Variants in ALG12 observed in about 807,000 individuals in gnomAD.
The protein encoded by ALG12 is ALG12 alpha-1,6-mannosyltransferase, also known as dol-P-Man:Man(7)GlcNAc(2)-PP-Dol alpha-1,6-mannosyltransferase.
In ALG12, 36 loss-of-function variants were observed where a neutral mutation model predicts 46.0. The ratio of observed to expected loss-of-function variants is 0.78; its 90% CI spans 0.60 to 1.03. ALG12 has a LOEUF of 1.03. Among genes scored for constraint, ALG12 ranks in the 50% least tolerant of loss-of-function variants. ALG12 has a pLI of 0.00. For synonymous variants in ALG12, 326 were observed against 291.6 expected (o/e 1.12, Z -1.20); for missense variants, 599 against 633.5 (o/e 0.95, Z 0.58).
chr22:49,881,664 G>A, the ALG12 span, among the ~76,000 whole-genome samples: 5 of 152,090 alleles, frequency 3.3e-5, no homozygotes, highest in African/African-American at 1.2e-4. Context: ...TGGGACTACA[G>A]GCTCACCATA....
rs1178906950 is a variant in ALG12 at position 49,904,486 on chromosome 22, G to A, written c.1013C>T (p.Ser338Phe). Residue 338 changes from serine (S) to phenylalanine (F), a missense_variant, in exon 8 of 10, where the codon TCT becomes TTT. By Grantham distance (155) the Ser-to-Phe change is radical (BLOSUM62 -2). Transcript: ENST00000330817. ...CSYLLNNYKK[S>F]WLYKAGSLLV... ...CAGAGACCCCGCTTTGTACAGCCAAGACTTTTTATAGTTATTCAGCCTGAA... is the reference window on the plus strand; with the variant it reads ...CAGAGACCCCGCTTTGTACAGCCAAAACTTTTTATAGTTATTCAGCCTGAA... The A allele has an allele frequency of 1.2e-6, 2 of 1,614,178 alleles. No individual in the cohort carries two copies. Among genetic ancestry groups the A allele is most frequent in the South Asian group, 1.1e-5 (1 of 91,088 alleles).
the ALG12 span, chr22:49,886,171 A>C: frequency 1.4e-6 from 1 of 701,822 alleles, no homozygotes; most frequent in Non-Finnish European, 2.6e-6. This position sits in a 1 kb window ranked among gnomAD's most constrained non-coding sequence, Gnocchi z 7.7. Flanking sequence ...CCTGATCGTC[A>C]GCGAGGCCAT....
In ALG12 at chr22:49,905,027, T is replaced by C. The variant is rs1026222991; in HGVS notation, c.993-521A>G. 1.3e-5 allele frequency among the ~76,000 whole-genome samples: 2 copies of C among 152,182 alleles called. No homozygotes were observed. The highest frequency in any genetic ancestry group is 4.8e-5 in the African/African-American group (2 of 41,448). On this transcript the variant is annotated intron_variant, in intron 7 of 9. Transcript: ENST00000330817. The surrounding 1 kb of genome is among the most constrained non-coding windows in gnomAD (Gnocchi z 4.9). Reference sequence around the variant, plus strand: ...TGCTGAGATTACAGGCATGAGCCACTGCGCCCAGCCTAAAAATATATTTTC... The same window carrying C: ...TGCTGAGATTACAGGCATGAGCCACCGCGCCCAGCCTAAAAATATATTTTC...
chr22:49,907,559 C>A (rs1217140034), intron 7 of ALG12, among the ~76,000 whole-genome samples, 162 bp downstream of exon 7: 1 of 152,132 alleles, frequency 6.6e-6, no homozygotes, highest in Non-Finnish European at 1.5e-5. Flanking sequence ...GATGGCTTAA[C>A]CCCCTAGGAG....
chr22:49,884,361 A>G, the ALG12 span: 1 of 1,613,160 alleles, frequency 6.2e-7, no homozygotes, highest in South Asian at 1.1e-5. Context: ...TTTCTTCTGA[A>G]GAAATCTCCT....
At chr22:49,871,097 T>C in the ALG12 span, among the ~76,000 whole-genome samples, 1 of 148,082 alleles carries the variant, frequency 6.8e-6, no homozygotes, top group Admixed American at 6.8e-5. Flanking sequence ...TGCACCACAA[T>C]GCCTGGCTAA....
At chr22:49,879,408 T>G in the ALG12 span, among the ~76,000 whole-genome samples, 7 of 151,982 alleles carry the variant, frequency 4.6e-5, no homozygotes, top group Admixed American at 4.6e-4. Context: ...ATTACAGGTG[T>G]GAGCCACCAA....
At chr22:49,884,445 C>G in the ALG12 span, 1 of 1,614,202 alleles carries the variant, frequency 6.2e-7, no homozygotes, top group Non-Finnish European at 8.5e-7. Flanking sequence ...TCCCTGCTCT[C>G]CATTACGATG....
intron 3 of ALG12, 128 bp from the exon 4 acceptor site, chr22:49,910,735 G>A: frequency 1.8e-6 from 2 of 1,111,934 alleles, no homozygotes; most frequent in Non-Finnish European, 2.7e-6. Flanking sequence ...CCAGCTGACG[G>A]CTACGTCAGG....
chr22:49,885,739 T>C, the ALG12 span: 1 of 1,603,778 alleles, frequency 6.2e-7, no homozygotes, highest in Non-Finnish European at 8.5e-7. Context: ...ACCTCAGTAC[T>C]CCCTCCCCGC....
rs978211680 is a variant in ALG12, at chr22:49,902,899, G to C, written c.*939C>G. ...GGTAATGTGCACGTGTGCACTGTGT[G>C]TGGTGTGTATGCATGGTGTGTGCAC... On this transcript the variant is annotated 3_prime_UTR_variant, in exon 10 of 10. Transcript: ENST00000330817. 1.0e-5 allele frequency: 2 copies of C among 192,858 alleles called. No homozygotes were observed. The highest frequency in any genetic ancestry group is 6.1e-5 in the African/African-American group (2 of 32,988). The allele number at this position is 192,858 out of a possible 1,614,324, so 11.9% of individuals were successfully genotyped here.
intron 3 of ALG12, among the ~76,000 whole-genome samples, chr22:49,912,079 A>ATCAGCCTCGGCCACGGGC (rs2060581152): frequency 1.4e-5 from 2 of 141,082 alleles, no homozygotes; most frequent in African/African-American, 5.6e-5. Context: ...TGGCCCCGGG[A>ATCAGCCTCGGCCACGGGC]TCACCCTCGG....
the ALG12 span, chr22:49,883,513 A>T: frequency 9.1e-7 from 1 of 1,104,116 alleles, no homozygotes; most frequent in Non-Finnish European, 1.2e-6. Context: ...TTTTTTCAGT[A>T]CTATTTATGA....
At chr22:49,864,813 C>G in the ALG12 span, among the ~76,000 whole-genome samples, 2 of 85,818 alleles carry the variant, frequency 2.3e-5, no homozygotes, top group African/African-American at 1.3e-4. Context: ...GAGTGAGACC[C>G]TGTCTCCAAA....
chr22:49,871,839 C>A, the ALG12 span, among the ~76,000 whole-genome samples: 1 of 151,758 alleles, frequency 6.6e-6, no homozygotes, highest in Non-Finnish European at 1.5e-5. Context: ...ACTACAACCT[C>A]CACCTCCTGG....
Position 49,913,181 on chromosome 22 carries a change from C to G in ALG12, c.295+204G>C, listed in dbSNP as rs112936160. Among the ~76,000 whole-genome samples, 180 of 152,356 alleles carry G rather than the reference C, an allele frequency of 1.2e-3. 2 individuals are homozygous for G. Among genetic ancestry groups the G allele is most frequent in the African/African-American group, 4.1e-3 (170 of 41,578 alleles). ...CTGCCGTCACCCCTAATTTCACAGT[C>G]AAGAGTGTGGAGGCACAGAGGGGCT... On this transcript the variant is annotated intron_variant, in intron 3 of 9. Transcript: ENST00000330817.
At chr22:49,878,519 C>G in the ALG12 span, among the ~76,000 whole-genome samples, 1 of 152,130 alleles carries the variant, frequency 6.6e-6, no homozygotes, top group African/African-American at 2.4e-5. Flanking sequence ...ATTGTCCTTT[C>G]AACAGATTGT....
chr22:49,889,049 A>C, the ALG12 span: 1 of 167,246 alleles, frequency 6.0e-6, no homozygotes, highest in Non-Finnish European at 1.5e-5. Context: ...TCTCCAAAAC[A>C]AGCCAGCACA....
At chr22:49,879,064 G>C in the ALG12 span, among the ~76,000 whole-genome samples, 3 of 150,206 alleles carry the variant, frequency 2.0e-5, no homozygotes, top group Non-Finnish European at 4.4e-5. Context: ...AGAATCACTT[G>C]AACTGGGGAG....
Sources: allele counts gnomAD v4.1 joint callset (sites outside exome capture counted in the v4.1 genomes callset), GRCh38; gene constraint gnomAD v4.1.1; non-coding constraint Gnocchi (gnomAD v3.1); transcripts MANE v1.5; gene names NCBI Gene and HGNC (gene_info 2026-07-23, HGNC 2026-07-21).